CAV3: variants seen among roughly 807,000 people sequenced by gnomAD.
The protein encoded by CAV3 is caveolin 3.
Under a neutral mutation model 13.4 loss-of-function variants are expected in CAV3, and 10 were observed. The ratio of observed to expected loss-of-function variants is 0.75; its 90% CI spans 0.46 to 1.27. CAV3 has a LOEUF of 1.27. CAV3 is among the 50% of genes most tolerant of loss of function. The pLI is 0.00. For missense variants in CAV3, 162 were observed against 194.0 expected, an observed-to-expected ratio of 0.83 and a Z score of 0.98; for synonymous variants, 90 against 79.0, an observed-to-expected ratio of 1.14 and a Z score of -0.74.
At chr3:8,737,916 C>A (rs1707813950) in intron 1 of CAV3, among the ~76,000 whole-genome samples, 1 of 152,112 alleles carries the variant, frequency 6.6e-6, no homozygotes, top group African/African-American at 2.4e-5. Context: ...TCAGAGCCAC[C>A]CCACAGTGCC....
intron 1 of CAV3, among the ~76,000 whole-genome samples, chr3:8,735,689 C>G (rs773931497): frequency 1.3e-5 from 2 of 152,178 alleles, no homozygotes; most frequent in Non-Finnish European, 2.9e-5. Flanking sequence ...TGTCCAAACC[C>G]AACACAATCT....
At chr3:8,734,989 AG>A (rs1707699250) in intron 1 of CAV3, among the ~76,000 whole-genome samples, 2 of 152,228 alleles carry the variant, frequency 1.3e-5, no homozygotes, top group African/African-American at 4.8e-5. Flanking sequence ...CTGGGATTAC[AG>A]GTGCAAGACT....
intron 1 of CAV3, among the ~76,000 whole-genome samples, chr3:8,743,456 T>C (rs1408702381): frequency 2.6e-5 from 4 of 152,130 alleles, no homozygotes; most frequent in Admixed American, 1.3e-4. Flanking sequence ...CCTGAGAAGA[T>C]GAGGCCCATT....
intron 1 of CAV3, among the ~76,000 whole-genome samples, chr3:8,737,986 GCTCTCTCTT>G (rs1707816487): frequency 6.6e-6 from 1 of 151,316 alleles, no homozygotes; most frequent in Non-Finnish European, 1.5e-5. Flanking sequence ...CTCTCTCTCT[GCTCTCTCTT>G]CTCTCTCTCT....
intron 1 of CAV3, chr3:8,742,537 G>A (rs909207886): frequency 2.0e-5 from 9 of 454,874 alleles, no homozygotes; most frequent in Non-Finnish European, 3.5e-5. Context: ...AACTAAGTAG[G>A]CTGGAGAATA....
chr3:8,734,238 G>T (rs1042410579), intron 1 of CAV3, among the ~76,000 whole-genome samples: 4 of 152,010 alleles, frequency 2.6e-5, no homozygotes, highest in African/African-American at 7.3e-5. Flanking sequence ...GCTAATCAGG[G>T]CAGGAGGAGC....
intron 1 of CAV3, among the ~76,000 whole-genome samples, chr3:8,743,722 G>C (rs749462989): frequency 1.3e-5 from 2 of 152,148 alleles, no homozygotes; most frequent in African/African-American, 4.8e-5. Flanking sequence ...TGGGGTGCAG[G>C]AGCTCAGAAG....
intron 1 of CAV3, among the ~76,000 whole-genome samples, chr3:8,741,942 C>A (rs1410404397): frequency 6.6e-6 from 1 of 152,184 alleles, no homozygotes; most frequent in African/African-American, 2.4e-5. Context: ...GAATGTGCAC[C>A]ATCGTTCCCC....
chr3:8,743,265 T>A (rs1342947266), intron 1 of CAV3, among the ~76,000 whole-genome samples: 1 of 152,110 alleles, frequency 6.6e-6, no homozygotes. Flanking sequence ...GATGTATGGA[T>A]GAATACATGA....
At chr3:8,734,253 C>T (rs565567282) in intron 1 of CAV3, among the ~76,000 whole-genome samples, 2 of 151,930 alleles carry the variant, frequency 1.3e-5, no homozygotes, top group South Asian at 4.2e-4. Context: ...AGGAGCGAGT[C>T]ACAAAGAAAA....
intron 1 of CAV3, among the ~76,000 whole-genome samples, chr3:8,735,176 A>T (rs1467976895): frequency 6.6e-6 from 1 of 152,248 alleles, no homozygotes; most frequent in Non-Finnish European, 1.5e-5. Flanking sequence ...TACTGTTACC[A>T]CAAGGAATTT....
Position 8,733,863 on chromosome 3 carries a change from C to T in CAV3, c.-14C>T. 4 of 1,540,152 alleles carry T rather than the reference C, an allele frequency of 2.6e-6. No individual in the cohort carries two copies. Among genetic ancestry groups the T allele is most frequent in the Non-Finnish European group, 3.6e-6 (4 of 1,112,524 alleles). ...CAGCTCGGATCTCCTCCTGTGGATC[C>T]CCCCAGCTCTGCGATGATGGCAGAA... On this transcript the variant is annotated 5_prime_UTR_variant, in exon 1 of 2. Transcript: ENST00000343849.
At chr3:8,741,317 T>G (rs1462427314) in intron 1 of CAV3, among the ~76,000 whole-genome samples, 1 of 152,208 alleles carries the variant, frequency 6.6e-6, no homozygotes, top group Non-Finnish European at 1.5e-5. Flanking sequence ...AAACATAAAA[T>G]TACTGCATCA....
intron 1 of CAV3, among the ~76,000 whole-genome samples, chr3:8,740,223 G>T (rs1250333026): frequency 6.6e-6 from 1 of 152,120 alleles, no homozygotes; most frequent in African/African-American, 2.4e-5. Context: ...TTCTAGAACT[G>T]GCACAACATC....
intron 1 of CAV3, among the ~76,000 whole-genome samples, chr3:8,736,703 C>A (rs1259906604): frequency 6.6e-6 from 1 of 152,190 alleles, no homozygotes; most frequent in Non-Finnish European, 1.5e-5. Context: ...TTTACGCAGC[C>A]CTCCTGGGGC....
chr3:8,735,091 A>C (rs1575465162), intron 1 of CAV3, among the ~76,000 whole-genome samples: 1 of 152,156 alleles, frequency 6.6e-6, no homozygotes, highest in Non-Finnish European at 1.5e-5. Context: ...AGGGGCTGTT[A>C]AGAGGCCAGT....
In CAV3 at chr3:8,745,980, A is replaced by G; in HGVS notation, c.*113A>G. On this transcript the variant is annotated 3_prime_UTR_variant, in exon 2 of 2. Transcript: ENST00000343849. This position sits in a 1 kb window ranked among gnomAD's most constrained non-coding sequence, Gnocchi z 4.8. ...GCTCTTTCTCTTTAGGGACTGCTCC[A>G]TACCCCATGATGGAGCACACGGTGT... 3 of 783,252 alleles carry G rather than the reference A, an allele frequency of 3.8e-6. No individual in the cohort carries two copies. Among genetic ancestry groups the G allele is most frequent in the Middle Eastern group, 6.9e-4 (2 of 2,900 alleles). The allele number at this position is 783,252 out of a possible 1,614,324, so 48.5% of individuals were successfully genotyped here.
In CAV3 at chr3:8,746,457, C is replaced by T. The variant is rs1708165274; in HGVS notation, c.*590C>T. Reference sequence around the variant, plus strand: ...CTTCGGATTCTATTGTTTGCTGGAACCGTACACGTTCCTTGGAAGATCATG... The same window carrying T: ...CTTCGGATTCTATTGTTTGCTGGAATCGTACACGTTCCTTGGAAGATCATG... On this transcript the variant is annotated 3_prime_UTR_variant, in exon 2 of 2. Transcript: ENST00000343849. 6.5e-6 allele frequency: 1 copy of T among 153,118 alleles called. No homozygotes were observed. The highest frequency in any genetic ancestry group is 2.1e-4 in the South Asian group (1 of 4,856). 9.5% of individuals were successfully genotyped at this position (153,118 alleles called of 1,614,324 possible). A position where few individuals can be genotyped will look rare whatever the true frequency, so the allele number is the denominator to read the frequency against.
chr3:8,739,285 G>A (rs1235608779), intron 1 of CAV3, among the ~76,000 whole-genome samples: 4 of 152,086 alleles, frequency 2.6e-5, no homozygotes, highest in Non-Finnish European at 5.9e-5. Context: ...AGCTGAGCTG[G>A]TGAATGTTTA....
Sources: allele counts gnomAD v4.1 joint callset (sites outside exome capture counted in the v4.1 genomes callset), GRCh38; gene constraint gnomAD v4.1.1; non-coding constraint Gnocchi (gnomAD v3.1); transcripts MANE v1.5; gene names NCBI Gene and HGNC (gene_info 2026-07-23, HGNC 2026-07-21).